The following EFNB2 variants were observed in gnomAD, a reference collection of about 807,000 sequenced individuals.
The protein encoded by EFNB2 is ephrin-B2.
Under a neutral mutation model 32.1 loss-of-function variants are expected in EFNB2, and 5 were observed. The observed-to-expected ratio is 0.16, with a 90% CI of 0.08 to 0.33. The LOEUF is 0.33. EFNB2 is among the 10% of genes least tolerant of loss of function. EFNB2 has a pLI of 1.00. For synonymous variants in EFNB2, 168 were observed against 166.5 expected, an observed-to-expected ratio of 1.01 and a Z score of -0.07; for missense variants, 263 against 422.6, an observed-to-expected ratio of 0.62 and a Z score of 3.31.
intron 1 of EFNB2, among the ~76,000 whole-genome samples, chr13:106,534,519 C>T (rs549640210): frequency 2.7e-4 from 41 of 152,338 alleles, no homozygotes; most frequent in African/African-American, 9.9e-4. Flanking sequence ...TGGCCATGTC[C>T]TTCGTCCTCG....
At chr13:106,525,144 G>A (rs1302457434) in intron 1 of EFNB2, among the ~76,000 whole-genome samples, 1 of 152,040 alleles carries the variant, frequency 6.6e-6, no homozygotes, top group Non-Finnish European at 1.5e-5. Context: ...ATTAAATGTT[G>A]ACCAAAATTT....
rs555101612 is a variant in EFNB2, at chr13:106,518,135, C to T, written c.123-5323G>A. 1 of 152,244 alleles carries T rather than the reference C, an allele frequency of 6.6e-6. No individual in the cohort carries two copies. Among genetic ancestry groups the T allele is most frequent in the South Asian group, 2.1e-4 (1 of 4,820 alleles). 9.4% of individuals were successfully genotyped at this position (152,244 alleles called of 1,614,324 possible). On this transcript the variant is annotated intron_variant, in intron 1 of 4. Transcript: ENST00000646441. This position sits in a 1 kb window ranked among gnomAD's most constrained non-coding sequence, Gnocchi z 4.1. ...CGGGTGGATCACGAGGTCAGGAGTT[C>T]AAGACCAGCCTGGCCAAGATGGTAA...
chr13:106,531,766 G>GA (rs5806591), intron 1 of EFNB2, among the ~76,000 whole-genome samples: 44,080 of 151,800 alleles, frequency 0.29, 6,617 homozygotes, highest in Admixed American at 0.33. Context: ...ATTATATAGG[G>GA]AAAAAATTAC....
At chr13:106,513,666 T>TA (rs569874766) in intron 1 of EFNB2, among the ~76,000 whole-genome samples, 221 of 152,264 alleles carry the variant, frequency 1.5e-3, no homozygotes, top group Middle Eastern at 3.4e-3. Context: ...TGATCTTTCT[T>TA]AATGGGGAGT....
chr13:106,515,857 A>G (rs988679144), intron 1 of EFNB2, among the ~76,000 whole-genome samples: 1 of 152,160 alleles, frequency 6.6e-6, no homozygotes, highest in Non-Finnish European at 1.5e-5. Flanking sequence ...GGCAGCAAAC[A>G]ACAGTACTGT....
chr13:106,529,424 A>G (rs1879804047), intron 1 of EFNB2, among the ~76,000 whole-genome samples: 1 of 152,136 alleles, frequency 6.6e-6, no homozygotes, highest in Non-Finnish European at 1.5e-5. Context: ...CCCAATCTCA[A>G]TCTATAAAAA....
intron 2 of EFNB2, among the ~76,000 whole-genome samples, chr13:106,501,941 C>T (rs1409203478): frequency 6.6e-6 from 1 of 152,150 alleles, no homozygotes; most frequent in Non-Finnish European, 1.5e-5. Context: ...TTAATTTAAA[C>T]AAAACAAGCC....
chr13:106,503,501 GC>G (rs1566456885), intron 2 of EFNB2, among the ~76,000 whole-genome samples: 2 of 152,200 alleles, frequency 1.3e-5, no homozygotes, highest in African/African-American at 4.8e-5. Context: ...GAACAGCTGA[GC>G]CCTCGGCCCA....
At chr13:106,525,774 G>C (rs1879678307) in intron 1 of EFNB2, among the ~76,000 whole-genome samples, 1 of 152,126 alleles carries the variant, frequency 6.6e-6, no homozygotes, top group South Asian at 2.1e-4. Flanking sequence ...ACAGGACTTA[G>C]ACTTTAAATC....
At chr13:106,526,022 G>A (rs568387827) in intron 1 of EFNB2, among the ~76,000 whole-genome samples, 1 of 152,272 alleles carries the variant, frequency 6.6e-6, no homozygotes, top group African/African-American at 2.4e-5. Context: ...CCCTGAGGCA[G>A]CAGTTGCCAG....
intron 1 of EFNB2, among the ~76,000 whole-genome samples, chr13:106,523,248 A>G (rs1211399887): frequency 6.6e-6 from 1 of 152,160 alleles, no homozygotes; most frequent in Non-Finnish European, 1.5e-5. Context: ...AGGAAGCAAA[A>G]TCAGACTGGG....
rs574174955 is a variant in EFNB2, at chr13:106,518,664, T to C, written c.123-5852A>G. 2 of 152,344 alleles carry C rather than the reference T, an allele frequency of 1.3e-5. No homozygotes were observed. Among genetic ancestry groups the C allele is most frequent in the South Asian group, 4.1e-4 (2 of 4,820 alleles). The allele number at this position is 152,344 out of a possible 1,614,324, so 9.4% of individuals were successfully genotyped here. On this transcript the variant is annotated intron_variant, in intron 1 of 4. Transcript: ENST00000646441. This position sits in a 1 kb window ranked among gnomAD's most constrained non-coding sequence, Gnocchi z 4.1. ...TGGTCGCCTGATCTATTTCTGCACT[T>C]TGCCCAGTGTAATAGGAGGATCCGT...
At chr13:106,524,926 CAAAAT>C in intron 1 of EFNB2, among the ~76,000 whole-genome samples, 1 of 152,218 alleles carries the variant, frequency 6.6e-6, no homozygotes, top group East Asian at 1.9e-4. Flanking sequence ...GGCAGGTAAA[CAAAAT>C]AAATTAACAT....
At chr13:106,498,076 A>G (rs1878649148) in intron 2 of EFNB2, among the ~76,000 whole-genome samples, 1 of 152,150 alleles carries the variant, frequency 6.6e-6, no homozygotes, top group African/African-American at 2.4e-5. Flanking sequence ...ACTCAAACTC[A>G]AAGTTAACTT....
intron 1 of EFNB2, among the ~76,000 whole-genome samples, chr13:106,532,504 A>C (rs1456649495): frequency 6.6e-6 from 1 of 152,174 alleles, no homozygotes; most frequent in Admixed American, 6.5e-5. Context: ...AAACTTCCCC[A>C]AGGAAAGCGA....
chr13:106,527,775 A>G (rs1407492103), intron 1 of EFNB2, among the ~76,000 whole-genome samples: 4 of 152,250 alleles, frequency 2.6e-5, no homozygotes, highest in Non-Finnish European at 5.9e-5. Context: ...AATACTTCTG[A>G]AATATCTTCT....
intron 1 of EFNB2, among the ~76,000 whole-genome samples, chr13:106,524,690 A>G (rs1210433912): frequency 4.6e-5 from 7 of 152,254 alleles, no homozygotes; most frequent in Non-Finnish European, 7.3e-5. Flanking sequence ...TTCATTCAAC[A>G]ACCCAACTGC....
intron 1 of EFNB2, among the ~76,000 whole-genome samples, chr13:106,515,183 G>A (rs1334820223): frequency 6.6e-6 from 1 of 152,174 alleles, no homozygotes; most frequent in African/African-American, 2.4e-5. Flanking sequence ...AACATGGGAC[G>A]CAGGGGTCGG....
chr13:106,489,913 ATATT>A lies in EFNB2; in HGVS notation c.*3123_*3126del, dbSNP rs918719848. On this transcript the variant is annotated 3_prime_UTR_variant, in exon 5 of 5. Coordinates refer to ENST00000646441, the MANE Select transcript of EFNB2 (RefSeq NM_004093.4). ...TAAAATAAAACAAAGAAAGAAAAAAATATTTATAACTCAGGCATAATACTGTGTT... is the reference window on the plus strand; with the variant it reads ...TAAAATAAAACAAAGAAAGAAAAAAATATAACTCAGGCATAATACTGTGTT... 2.0e-5 allele frequency: 3 copies of A among 152,662 alleles called. No homozygotes were observed. Among genetic ancestry groups the A allele is most frequent in the Non-Finnish European group, 2.9e-5 (2 of 68,042 alleles). 9.5% of individuals were successfully genotyped at this position (152,662 alleles called of 1,614,324 possible).
Sources: allele counts gnomAD v4.1 joint callset (sites outside exome capture counted in the v4.1 genomes callset), GRCh38; gene constraint gnomAD v4.1.1; non-coding constraint Gnocchi (gnomAD v3.1); transcripts MANE v1.5; gene names NCBI Gene and HGNC (gene_info 2026-07-23, HGNC 2026-07-21).